Variants in GNAT3 observed in about 807,000 individuals in gnomAD.
GNAT3 encodes the protein G protein subunit alpha transducin 3.
Under a neutral mutation model 37.7 loss-of-function variants are expected in GNAT3, and 31 were observed. The observed-to-expected ratio is 0.82, with a 90% CI of 0.62 to 1.11. The LOEUF (loss-of-function observed/expected upper bound fraction) is 1.11. Among genes scored for constraint, GNAT3 ranks in the 50% most tolerant of loss-of-function variants. GNAT3 has a pLI of 0.00. For missense variants in GNAT3, 437 were observed against 412.5 expected (o/e 1.06, Z -0.51); for synonymous variants, 138 against 139.8 (o/e 0.99, Z 0.09).
At chr7:80,460,874 A>G (rs1562718246) in intron 7 of GNAT3, among the ~76,000 whole-genome samples, 1 of 152,144 alleles carries the variant, frequency 6.6e-6, no homozygotes, top group South Asian at 2.1e-4. Flanking sequence ...GAGAAACTGT[A>G]GGAGGGGATG....
chr7:80,478,834 C>T lies in GNAT3; in HGVS notation c.461+7G>A, dbSNP rs1268324411. The T allele has an allele frequency of 6.2e-7, 1 of 1,611,336 alleles. No homozygotes were observed. Among genetic ancestry groups the T allele is most frequent in the East Asian group, 2.2e-5 (1 of 44,786 alleles). On this transcript the variant is annotated splice_region_variant and intron_variant, in intron 4 of 7. Transcript: ENST00000398291. ...CCTCCAATTCCCCTTAAAGTGAATT[C>T]ACTTACTAAGCTGCTGAGTCATTGA... is the stretch of plus-strand genomic sequence containing the variant.
At chr7:80,470,124 A>G (rs558445227) in intron 5 of GNAT3, among the ~76,000 whole-genome samples, 1 of 152,220 alleles carries the variant, frequency 6.6e-6, no homozygotes, top group South Asian at 2.1e-4. Flanking sequence ...CATTGTCTTG[A>G]GTCAGAGGAA....
chr7:80,497,588 A>ACACACACTGTCTTAAAT (rs1562732806), intron 1 of GNAT3, among the ~76,000 whole-genome samples: 6 of 135,214 alleles, frequency 4.4e-5, no homozygotes, highest in South Asian at 2.2e-4. Context: ...ACGTATATAC[A>ACACACACTGTCTTAAAT]TATACGTATA....
intron 5 of GNAT3, among the ~76,000 whole-genome samples, chr7:80,470,471 T>C (rs1378440418): frequency 1.3e-5 from 2 of 152,170 alleles, no homozygotes; most frequent in Non-Finnish European, 2.9e-5. Flanking sequence ...TCCACCAGCC[T>C]CGGCCTCTCA....
intron 2 of GNAT3, among the ~76,000 whole-genome samples, chr7:80,492,824 T>C (rs1245479004): frequency 6.6e-6 from 1 of 151,526 alleles, no homozygotes; most frequent in East Asian, 1.9e-4. Flanking sequence ...CTCATTATTA[T>C]TGGGTAATTT....
intron 3 of GNAT3, among the ~76,000 whole-genome samples, chr7:80,487,230 C>T (rs957183325): frequency 6.6e-6 from 1 of 152,012 alleles, no homozygotes; most frequent in African/African-American, 2.4e-5. Flanking sequence ...AACTGAACTA[C>T]ACTTAAATAA....
intron 5 of GNAT3, among the ~76,000 whole-genome samples, chr7:80,463,051 A>G (rs1313112387): frequency 6.6e-6 from 1 of 152,166 alleles, no homozygotes; most frequent in Non-Finnish European, 1.5e-5. Context: ...TTCTACATTC[A>G]TTTACTCAAA....
intron 2 of GNAT3, 83 bp from the exon 3 acceptor site, chr7:80,488,759 A>T: frequency 1.0e-6 from 1 of 979,666 alleles, no homozygotes; most frequent in Non-Finnish European, 1.5e-6. Flanking sequence ...TGCTTGAATA[A>T]AATTACAGTA....
intron 1 of GNAT3, among the ~76,000 whole-genome samples, chr7:80,499,874 G>A (rs1790800634): frequency 6.6e-6 from 1 of 152,038 alleles, no homozygotes; most frequent in Admixed American, 6.6e-5. Context: ...CTAAAACTTG[G>A]GAGGATTAGA....
intron 5 of GNAT3, among the ~76,000 whole-genome samples, chr7:80,473,671 T>C (rs576533663): frequency 2.6e-5 from 4 of 152,296 alleles, no homozygotes; most frequent in African/African-American, 9.6e-5. Flanking sequence ...TTTCTTGGTA[T>C]AGTAAATGAG....
rs762400740 is a variant in GNAT3 at position 80,462,483 on chromosome 7, G to T, written c.720+19C>A. ...AAAGATTACTTTTAACCCTGGCTTT[G>T]TTTTTCCTTTAGACTTACCACTTCT... On this transcript the variant is annotated intron_variant, in intron 6 of 7. Coordinates refer to ENST00000398291, the MANE Select transcript of GNAT3 (RefSeq NM_001102386.3). 1 of 1,609,086 alleles carries T rather than the reference G, an allele frequency of 6.2e-7. No homozygotes were observed. The highest frequency in any genetic ancestry group is 8.5e-7 in the Non-Finnish European group (1 of 1,178,468).
At chr7:80,491,525 A>G (rs1790591145) in intron 2 of GNAT3, among the ~76,000 whole-genome samples, 1 of 152,196 alleles carries the variant, frequency 6.6e-6, no homozygotes, top group Non-Finnish European at 1.5e-5. Flanking sequence ...CTGGTACAGT[A>G]GAGACACTAA....
rs1466733763 is a variant in GNAT3, at chr7:80,494,625, A to G, written c.141T>C (p.Ser47=). The change falls in exon 2 of 8, where the codon AGT becomes AGC. Residue 47 remains serine, a synonymous_variant. Transcript: ENST00000398291. ...CCTACTTCATTTGTTTAACAATAGTACTTTTCCCAGATTCTCCTGCTCCTG... is the reference window on the plus strand; with the variant it reads ...CCTACTTCATTTGTTTAACAATAGTGCTTTTCCCAGATTCTCCTGCTCCTG... ...LLLGAGESGK[S]TIVKQMKIIH... 2 of 1,531,918 alleles carry G rather than the reference A, an allele frequency of 1.3e-6. No homozygotes were observed. The highest frequency in any genetic ancestry group is 2.4e-5 in the South Asian group (2 of 84,672). The allele number at this position is 1,531,918 out of a possible 1,614,324, so 94.9% of individuals were successfully genotyped here.
At chr7:80,499,280 T>C (rs938687246) in intron 1 of GNAT3, among the ~76,000 whole-genome samples, 4 of 152,362 alleles carry the variant, frequency 2.6e-5, no homozygotes, top group Middle Eastern at 3.4e-3. Context: ...CTGTGTCATA[T>C]CGCTTTCTTT....
intron 1 of GNAT3, among the ~76,000 whole-genome samples, chr7:80,508,295 G>A (rs1202199690): frequency 2.6e-5 from 4 of 151,818 alleles, no homozygotes; most frequent in African/African-American, 9.7e-5. Flanking sequence ...CGAAACTGAT[G>A]CAGCAAAATA....
rs1789997904 is a variant in GNAT3, at chr7:80,458,800, T to C, written c.936A>G (p.Leu312=). Residue 312 remains leucine, a synonymous_variant, in exon 8 of 8, where the codon TTA becomes TTG. Transcript: ENST00000398291. The part of the protein sequence containing the change: ...YIKNQFLDLN[L]KKEDKEIYSH... ...AATAAATTTCCTTATCTTCTTTTTTTAAATTCAGGTCTAGAAACTGGTTCT... is the reference window on the plus strand; with the variant it reads ...AATAAATTTCCTTATCTTCTTTTTTCAAATTCAGGTCTAGAAACTGGTTCT... 2.5e-6 allele frequency: 4 copies of C among 1,596,502 alleles called. No individual in the cohort carries two copies. The highest frequency in any genetic ancestry group is 1.7e-4 in the Middle Eastern group (1 of 6,054).
intron 3 of GNAT3, among the ~76,000 whole-genome samples, chr7:80,484,835 A>G (rs758111043): frequency 6.6e-5 from 10 of 151,890 alleles, no homozygotes; most frequent in Non-Finnish European, 1.0e-4. Context: ...TACATATCCC[A>G]TCTCTCTCCT....
intron 1 of GNAT3, among the ~76,000 whole-genome samples, chr7:80,504,355 A>T (rs1790891575): frequency 6.6e-6 from 1 of 152,116 alleles, no homozygotes; most frequent in Non-Finnish European, 1.5e-5. Flanking sequence ...AATTTTGTGA[A>T]TTGGCCATTA....
chr7:80,478,779 G>T, intron 4 of GNAT3, 62 bp downstream of exon 4: 1 of 1,502,424 alleles, frequency 6.7e-7, no homozygotes, highest in East Asian at 2.3e-5. Flanking sequence ...AAAGTATGCA[G>T]AATTATAATT....
Sources: gnomAD v4.1 joint callset for allele counts (sites outside exome capture counted in the v4.1 genomes callset) on GRCh38, gnomAD v4.1.1 for gene constraint, MANE v1.5 for transcripts, NCBI Gene and HGNC (gene_info 2026-07-23, HGNC 2026-07-21) for gene names.